PDLIM3: variants seen among roughly 807,000 people sequenced by gnomAD.
PDLIM3 encodes PDZ and LIM domain protein 3.
In PDLIM3, 36 loss-of-function variants were observed where a neutral mutation model predicts 37.3. The observed-to-expected ratio is 0.97, with a 90% CI of 0.74 to 1.28. PDLIM3 has a LOEUF of 1.28. Among genes scored for constraint, PDLIM3 ranks in the 50% most tolerant of loss-of-function variants. The pLI, the probability that PDLIM3 is intolerant of heterozygous loss-of-function variation, is 0.00. For synonymous variants in PDLIM3, 174 were observed against 182.4 expected (o/e 0.95, Z 0.37); for missense variants, 454 against 485.0 (o/e 0.94, Z 0.60).
rs372563004 is a variant in PDLIM3, at chr4:185,530,106, G to A, written c.94-4935C>T. On this transcript the variant is annotated intron_variant, in intron 1 of 7. Coordinates refer to ENST00000284767, the MANE Select transcript of PDLIM3 (RefSeq NM_014476.6). The stretch of plus-strand genomic sequence containing the variant: ...TATGCCCACAGTGTCTTTCACATAC[G>A]AGACATTCTGCACACAGTAGATGCT... 6.6e-5 allele frequency among the ~76,000 whole-genome samples: 10 copies of A among 152,232 alleles called. No homozygotes were observed. In the East Asian group the frequency reaches 1.3e-3, roughly 21 times the overall value.
Position 185,525,121 on chromosome 4 carries a change from G to T in PDLIM3, c.144C>A (p.Val48=). ...AAAANLCPGD[V]ILAIDGFGTE... Reference sequence around the variant, plus strand: ...TCCCAAAGCCGTCAATAGCCAGGATGACATCTCCAGGACACAGGTTGGCAG... The same window carrying T: ...TCCCAAAGCCGTCAATAGCCAGGATTACATCTCCAGGACACAGGTTGGCAG... The change falls in exon 2 of 8, where the codon GTC becomes GTA. Residue 48 remains valine (V), a synonymous_variant. Transcript: ENST00000284767. 1 of 1,614,094 alleles carries T rather than the reference G, an allele frequency of 6.2e-7. No individual in the cohort carries two copies. The highest frequency in any genetic ancestry group is 8.5e-7 in the Non-Finnish European group (1 of 1,179,932).
chr4:185,505,390 G>C lies in PDLIM3; in HGVS notation c.794-804C>G, dbSNP rs139551759. 4.6e-5 allele frequency among the ~76,000 whole-genome samples: 7 copies of C among 152,332 alleles called. No individual in the cohort carries two copies. In the East Asian group the frequency reaches 1.2e-3, roughly 25 times the overall value. On this transcript the variant is annotated intron_variant, in intron 6 of 7. Coordinates refer to ENST00000284767, the MANE Select transcript of PDLIM3 (RefSeq NM_014476.6). The stretch of plus-strand genomic sequence containing the variant: ...TGTAATCCCAGCACTCTGGGAGGCC[G>C]AGGCGGGTGGACCACGAGGTCAGGA...
chr4:185,524,907 C>A lies in PDLIM3; in HGVS notation c.245+113G>T, dbSNP rs1179924858. 6.8e-6 allele frequency: 7 copies of A among 1,034,948 alleles called. No individual in the cohort carries two copies. In the Admixed American group the frequency reaches 1.2e-4, roughly 18 times the overall value. The allele number at this position is 1,034,948 out of a possible 1,614,324, so 64.1% of individuals were successfully genotyped here. A position where few individuals can be genotyped will look rare whatever the true frequency, so the allele number is the denominator to read the frequency against. ...AAGTAGCTAATATATAAAAAGTCAG[C>A]CAAAATACTAGGTCTGTGGCCCTCC... On this transcript the variant is annotated intron_variant, in intron 2 of 7. Coordinates refer to ENST00000284767, the MANE Select transcript of PDLIM3 (RefSeq NM_014476.6).
chr4:185,532,116 C>T (rs1356300140), intron 1 of PDLIM3, among the ~76,000 whole-genome samples: 2 of 151,978 alleles, frequency 1.3e-5, no homozygotes, highest in African/African-American at 4.8e-5. Context: ...AAAACAAAAA[C>T]ATGACAAATC....
chr4:185,512,981 G>T, intron 4 of PDLIM3: 1 of 985,372 alleles, frequency 1.0e-6, no homozygotes, highest in Non-Finnish European at 1.2e-6. Flanking sequence ...GACTCTTCTT[G>T]CCACTTGCTT....
At chr4:185,529,304 A>G (rs2095739726) in intron 1 of PDLIM3, among the ~76,000 whole-genome samples, 1 of 152,110 alleles carries the variant, frequency 6.6e-6, no homozygotes, top group Non-Finnish European at 1.5e-5. Context: ...ATCAACTTAT[A>G]TTACTTGGAT....
At chr4:185,530,744 C>T (rs923248123) in intron 1 of PDLIM3, among the ~76,000 whole-genome samples, 1 of 152,006 alleles carries the variant, frequency 6.6e-6, no homozygotes, top group Non-Finnish European at 1.5e-5. Context: ...TTACTCTGTC[C>T]CACCTGGGTC....
Position 185,528,698 on chromosome 4 carries a change from T to C in PDLIM3, c.94-3527A>G, listed in dbSNP as rs2095738558. On this transcript the variant is annotated intron_variant, in intron 1 of 7. Coordinates refer to ENST00000284767, the MANE Select transcript of PDLIM3 (RefSeq NM_014476.6). ...GTGATGGCCAGATCCCACTTCTCAT[T>C]TTGTATTCAACCTGGTTATTGCTGT... 2.0e-5 allele frequency among the ~76,000 whole-genome samples: 3 copies of C among 152,346 alleles called. No individual in the cohort carries two copies. The South Asian group carries it at 6.2e-4, about 32-fold the overall frequency.
At chr4:185,513,790 GA>G in intron 4 of PDLIM3, 2 of 1,033,522 alleles carry the variant, frequency 1.9e-6, no homozygotes, top group Non-Finnish European at 2.3e-6. Flanking sequence ...TTCTAGAGAA[GA>G]TATTTGAAAA....
At chr4:185,509,577 C>T (rs2095703412) in intron 4 of PDLIM3, among the ~76,000 whole-genome samples, 1 of 151,934 alleles carries the variant, frequency 6.6e-6, no homozygotes, top group African/African-American at 2.4e-5. Flanking sequence ...TTTCCACATG[C>T]ATGAGAGATA....
chr4:185,513,099 C>T (rs1043823427), intron 4 of PDLIM3: 19 of 984,208 alleles, frequency 1.9e-5, no homozygotes, highest in Non-Finnish European at 2.2e-5. Flanking sequence ...TTTATTCTGT[C>T]TCATTTCTAG....
chr4:185,524,876 A>G, intron 2 of PDLIM3, 144 bp downstream of exon 2: 2 of 736,354 alleles, frequency 2.7e-6, no homozygotes, highest in Admixed American at 2.0e-5. Flanking sequence ...ACTTTAGTAA[A>G]GAATTAAGTA....
intron 6 of PDLIM3, among the ~76,000 whole-genome samples, chr4:185,505,131 T>A (rs1037304317): frequency 6.6e-6 from 1 of 152,252 alleles, no homozygotes; most frequent in Non-Finnish European, 1.5e-5. Flanking sequence ...TCATACAATA[T>A]TTGCCTCTTT....
chr4:185,503,351 A>G (rs906743498), intron 7 of PDLIM3, among the ~76,000 whole-genome samples: 15 of 152,216 alleles, frequency 9.9e-5, no homozygotes, highest in African/African-American at 3.6e-4. Flanking sequence ...CTTAGGCACA[A>G]TGATTGCTTC....
At chr4:185,513,341 A>G in intron 4 of PDLIM3, 4 of 985,262 alleles carry the variant, frequency 4.1e-6, no homozygotes, top group Non-Finnish European at 4.8e-6. Flanking sequence ...CATGGAAATC[A>G]TACATAAGGG....
At chr4:185,510,919 TGGATATCACTGG>T (rs1283954248) in intron 4 of PDLIM3, among the ~76,000 whole-genome samples, 1 of 152,252 alleles carries the variant, frequency 6.6e-6, no homozygotes. Flanking sequence ...CCAGTCACTG[TGGATATCACTGG>T]GGATAGCACC....
In PDLIM3 at chr4:185,501,490, G is replaced by A. The variant is rs2095687006; in HGVS notation, c.*804C>T. The stretch of plus-strand genomic sequence containing the variant: ...AATTTGACTGAATATTGATCTGAAA[G>A]AGATATTTAAATTGAAAGAGTCTCT... On this transcript the variant is annotated 3_prime_UTR_variant, in exon 8 of 8. Coordinates refer to ENST00000284767, the MANE Select transcript of PDLIM3 (RefSeq NM_014476.6). 6.6e-6 allele frequency: 1 copy of A among 152,226 alleles called. No homozygotes were observed. The allele number at this position is 152,226 out of a possible 1,614,324, so 9.4% of individuals were successfully genotyped here. A position where few individuals can be genotyped will look rare whatever the true frequency, so the allele number is the denominator to read the frequency against.
intron 3 of PDLIM3, chr4:185,517,055 T>G (rs558771024): frequency 6.6e-6 from 1 of 152,168 alleles, no homozygotes; most frequent in South Asian, 2.1e-4. Flanking sequence ...TGTGAAAATG[T>G]GTGTAGCTAA....
At chr4:185,525,838 G>A (rs1323466448) in intron 1 of PDLIM3, among the ~76,000 whole-genome samples, 2 of 152,178 alleles carry the variant, frequency 1.3e-5, no homozygotes, top group Admixed American at 6.5e-5. Flanking sequence ...CAACCCAGAA[G>A]AGTTTCCTCA....
Sources: allele counts gnomAD v4.1 joint callset (sites outside exome capture counted in the v4.1 genomes callset), GRCh38; gene constraint gnomAD v4.1.1; transcripts MANE v1.5; gene names NCBI Gene and HGNC (gene_info 2026-07-23, HGNC 2026-07-21).